MECR: variants seen among roughly 807,000 people sequenced by gnomAD.
The protein encoded by MECR is mitochondrial trans-2-enoyl-CoA reductase.
Under a neutral mutation model 49.1 loss-of-function variants are expected in MECR, and 37 were observed. That is an observed-to-expected ratio of 0.75 (90% CI 0.58 to 0.99). The LOEUF is 0.99. Among genes scored for constraint, MECR ranks in the 50% least tolerant of loss-of-function variants. The pLI, the probability that MECR is intolerant of heterozygous loss-of-function variation, is 0.00. For missense variants in MECR, 470 were observed against 479.6 expected, an observed-to-expected ratio of 0.98 and a Z score of 0.19; for synonymous variants, 198 against 191.1, an observed-to-expected ratio of 1.04 and a Z score of -0.30.
At chr1:29,175,558 G>A in the MECR span, among the ~76,000 whole-genome samples, 2 of 149,690 alleles carry the variant, frequency 1.3e-5, no homozygotes, top group East Asian at 2.0e-4. Flanking sequence ...AGCCGGGAGC[G>A]GTGGCGGGCT....
the MECR span, among the ~76,000 whole-genome samples, chr1:29,177,864 C>T: frequency 6.8e-6 from 1 of 147,172 alleles, no homozygotes; most frequent in South Asian, 2.2e-4. Context: ...CATTTGTTTC[C>T]TTATTTGGTC....
chr1:29,178,353 C>CTTCTTTTTT, the MECR span, among the ~76,000 whole-genome samples: 31 of 127,852 alleles, frequency 2.4e-4, 4 homozygotes, highest in Admixed American at 3.3e-4. Flanking sequence ...GTTTCAATTA[C>CTTCTTTTTT]TTTTTTTTTT....
At chr1:29,187,224 TC>T in the MECR span, among the ~76,000 whole-genome samples, 4 of 152,216 alleles carry the variant, frequency 2.6e-5, no homozygotes, top group African/African-American at 9.6e-5. Flanking sequence ...TTTTCTCTTT[TC>T]TTTTTTGAGA....
chr1:29,220,677 G>C (rs1431454662), intron 1 of MECR: 1 of 153,362 alleles, frequency 6.5e-6, no homozygotes, highest in African/African-American at 2.4e-5. Flanking sequence ...GTAGAGCACA[G>C]ATCTTGAGTG....
intron 1 of MECR, chr1:29,230,491 C>T (rs917891789): frequency 1.9e-6 from 1 of 521,390 alleles, no homozygotes; most frequent in African/African-American, 2.0e-5. Context: ...AAGGGATTGC[C>T]TGACACAATA....
chr1:29,200,525 C>T lies in MECR; in HGVS notation c.821G>A (p.Arg274Gln), dbSNP rs140895510. The change falls in exon 7 of 10, where the codon CGG becomes CAG. Residue 274 changes from arginine (R) to glutamine (Q), a missense_variant. Arg to Gln is a conservative substitution (Grantham distance 43, BLOSUM62 1). Coordinates refer to ENST00000263702, the MANE Select transcript of MECR (RefSeq NM_016011.5). Reference sequence around the variant, plus strand: ...GGCCCAAGGGACTTACGCTAACTGCCGCAGCAGCTCTGTGGAGCTTTTCCC... The same window carrying T: ...GGCCCAAGGGACTTACGCTAACTGCTGCAGCAGCTCTGTGGAGCTTTTCCC... ...VGGKSSTELL[R>Q]QLARGGTMVT... 40 of 1,613,134 alleles carry T rather than the reference C, an allele frequency of 2.5e-5. No individual in the cohort carries two copies. Among genetic ancestry groups the T allele is most frequent in the East Asian group, 6.7e-5 (3 of 44,856 alleles).
chr1:29,230,658 C>A, intron 1 of MECR, 73 bp downstream of exon 1: 5 of 1,517,376 alleles, frequency 3.3e-6, no homozygotes, highest in Non-Finnish European at 3.6e-6. Context: ...TCCCTCTCTT[C>A]CCAGTCCGCA....
the MECR span, among the ~76,000 whole-genome samples, chr1:29,178,353 C>CTTCTTTTTTTTTTTT: frequency 4.0e-4 from 51 of 127,884 alleles, 8 homozygotes; most frequent in East Asian, 2.6e-3. Context: ...GTTTCAATTA[C>CTTCTTTTTTTTTTTT]TTTTTTTTTT....
chr1:29,210,885 T>C (rs1433685471), intron 3 of MECR, among the ~76,000 whole-genome samples: 2 of 152,212 alleles, frequency 1.3e-5, no homozygotes, highest in Non-Finnish European at 1.5e-5. Flanking sequence ...ACAGAGACTA[T>C]CACTATGCCT....
Position 29,201,193 on chromosome 1 carries a change from A to G in MECR, c.757-604T>C, listed in dbSNP as rs1675229874. On this transcript the variant is annotated intron_variant, in intron 6 of 9. Transcript: ENST00000263702. This position sits in a 1 kb window ranked among gnomAD's most constrained non-coding sequence, Gnocchi z 4.3. ...GAAAGAATAGGCAAAGGGCATCTGC[A>G]TGCAGTTTGGTGGGTTTCAGCTCCC... 6.6e-6 allele frequency among the ~76,000 whole-genome samples: 1 copy of G among 152,232 alleles called. No individual in the cohort carries two copies. Among genetic ancestry groups the G allele is most frequent in the African/African-American group, 2.4e-5 (1 of 41,462 alleles).
At chr1:29,205,923 T>C (rs1676475864) in intron 4 of MECR, among the ~76,000 whole-genome samples, 1 of 152,182 alleles carries the variant, frequency 6.6e-6, no homozygotes, top group Admixed American at 6.5e-5. Flanking sequence ...TCATTTCTTC[T>C]TCCCAAACAA....
chr1:29,205,863 G>A (rs917431863), intron 4 of MECR, among the ~76,000 whole-genome samples: 61 of 152,118 alleles, frequency 4.0e-4, no homozygotes, highest in African/African-American at 1.2e-3. Flanking sequence ...AGCAGTAACC[G>A]GGCTTCATGG....
chr1:29,203,127 G>A lies in MECR; in HGVS notation c.653+4C>T, dbSNP rs375155129. ...TCTGGGATGAAGCCTCCTTCCCCAC[G>A]CACCTGTCTCGGACCACATTGATGG... On this transcript the variant is annotated splice_donor_region_variant and intron_variant, in intron 5 of 9. Coordinates refer to ENST00000263702, the MANE Select transcript of MECR (RefSeq NM_016011.5). 2.7e-5 allele frequency: 43 copies of A among 1,566,354 alleles called. No homozygotes were observed. Among genetic ancestry groups the A allele is most frequent in the East Asian group, 1.2e-4 (5 of 42,724 alleles).
At chr1:29,188,801 G>A (rs537611735), downstream of MECR, among the ~76,000 whole-genome samples, 45 of 151,696 alleles carry the variant, frequency 3.0e-4, no homozygotes, top group Non-Finnish European at 4.7e-4. Flanking sequence ...TACCATACCC[G>A]GCTAATTTTT....
At chr1:29,175,392 C>T in the MECR span, among the ~76,000 whole-genome samples, 3 of 149,556 alleles carry the variant, frequency 2.0e-5, no homozygotes, top group Non-Finnish European at 4.4e-5. Context: ...CAGACAGAGA[C>T]TCCATCTCAA....
At position 29,230,861 on chromosome 1, in the gene MECR, G is replaced by A. The variant is rs368541093; in HGVS notation, c.46C>T (p.Gln16Ter). The change falls in exon 1 of 10, where the codon CAG (glutamine) becomes TAG (stop). Residue 16 changes from glutamine (Q) to a stop codon, truncating the protein, a stop_gained. Coordinates refer to ENST00000263702, the MANE Select transcript of MECR (RefSeq NM_016011.5). LOFTEE classifies it high-confidence loss of function. ...GAAGCTGGGAGCAGCCCCCGCCACT[G>A]CCGGGCGGGGGTTCGCACCCGCCAC... ...TLWRVRTPAR[Q>*]WRGLLPASGC... 11 of 1,607,100 alleles carry A rather than the reference G, an allele frequency of 6.8e-6. No homozygotes were observed. Among genetic ancestry groups the A allele is most frequent in the East Asian group, 4.5e-5 (2 of 44,794 alleles).
intron 1 of MECR, among the ~76,000 whole-genome samples, chr1:29,222,658 C>T (rs1681054685): frequency 6.6e-6 from 1 of 152,186 alleles, no homozygotes; most frequent in East Asian, 1.9e-4. Context: ...TTCTGGGAAG[C>T]CCAGCAGCTC....
the MECR span, among the ~76,000 whole-genome samples, chr1:29,176,079 T>C: frequency 1.1e-4 from 17 of 151,800 alleles, no homozygotes; most frequent in East Asian, 3.1e-3. Flanking sequence ...GGTGAAACCC[T>C]GTCTCTACTA....
chr1:29,195,899 C>T, intron 9 of MECR, 42 bp downstream of exon 9: 3 of 1,602,108 alleles, frequency 1.9e-6, no homozygotes, highest in Middle Eastern at 1.7e-4. Flanking sequence ...TTTTTAGGCA[C>T]TGCCCTCATC....
Sources: gnomAD v4.1 joint callset for allele counts (sites outside exome capture counted in the v4.1 genomes callset) on GRCh38, gnomAD v4.1.1 for gene constraint, Gnocchi (gnomAD v3.1) non-coding constraint, MANE v1.5 for transcripts, NCBI Gene and HGNC (gene_info 2026-07-23, HGNC 2026-07-21) for gene names.